Variants in CALN1 observed in about 807,000 individuals in gnomAD.
CALN1 encodes the protein calcium-binding protein 8.
In CALN1, 17 loss-of-function variants were observed where a neutral mutation model predicts 30.6. The observed-to-expected ratio is 0.56, with a 90% CI of 0.38 to 0.83. The LOEUF is 0.83. CALN1 is among the 40% of genes least tolerant of loss of function. CALN1 has a pLI of 0.00. For missense variants in CALN1, 291 were observed against 354.9 expected (o/e 0.82, Z 1.45); for synonymous variants, 156 against 131.4 (o/e 1.19, Z -1.28).
In CALN1 at chr7:71,957,963, G is replaced by A. The variant is rs755351328; in HGVS notation, c.501+65694C>T. On this transcript the variant is annotated intron_variant, in intron 5 of 6. Coordinates refer to ENST00000395275, the MANE Select transcript of CALN1 (RefSeq NM_031468.4). ...ACCTGTAATCCCAGCTACTTGGGAGGCTGAGGCAGGAGAATCTCTTGAACC... is the reference window on the plus strand; with the variant it reads ...ACCTGTAATCCCAGCTACTTGGGAGACTGAGGCAGGAGAATCTCTTGAACC... Among the ~76,000 whole-genome samples, 116 of 151,132 alleles carry A rather than the reference G, an allele frequency of 7.7e-4. 1 individual carries two copies. The highest frequency in any genetic ancestry group is 2.7e-3 in the African/African-American group (112 of 41,172).
intron 2 of CALN1, among the ~76,000 whole-genome samples, chr7:72,343,124 G>A (rs1802459970): frequency 6.6e-6 from 1 of 152,132 alleles, no homozygotes; most frequent in African/African-American, 2.4e-5. Context: ...TAACTGCCTC[G>A]AAAGACTATT....
intron 2 of CALN1, among the ~76,000 whole-genome samples, chr7:72,319,550 T>C (rs1364773724): frequency 6.6e-6 from 1 of 152,148 alleles, no homozygotes; most frequent in African/African-American, 2.4e-5. Context: ...CCATATCATA[T>C]ACACATACAC....
chr7:72,256,492 A>G (rs976847242), intron 3 of CALN1, among the ~76,000 whole-genome samples: 4 of 152,190 alleles, frequency 2.6e-5, no homozygotes, highest in African/African-American at 9.6e-5. Flanking sequence ...GCACACACAC[A>G]TACACATACT....
chr7:72,046,128 C>G, intron 4 of CALN1, among the ~76,000 whole-genome samples: 1 of 151,766 alleles, frequency 6.6e-6, no homozygotes, highest in South Asian at 2.1e-4. Flanking sequence ...GCCTGGGCAA[C>G]CCAGCAAAAC....
intron 5 of CALN1, among the ~76,000 whole-genome samples, chr7:71,908,900 GAT>G (rs1794278982): frequency 6.6e-6 from 1 of 152,172 alleles, no homozygotes; most frequent in Non-Finnish European, 1.5e-5. Context: ...TCCTTTCAGG[GAT>G]CCAGGGACGT....
chr7:72,149,735 C>A (rs936214173), intron 3 of CALN1, among the ~76,000 whole-genome samples: 1 of 152,062 alleles, frequency 6.6e-6, no homozygotes, highest in Non-Finnish European at 1.5e-5. Flanking sequence ...AATCTTTTCT[C>A]TTTTGCAAAA....
chr7:72,494,925 G>A, the CALN1 span, among the ~76,000 whole-genome samples: 1 of 152,050 alleles, frequency 6.6e-6, no homozygotes, highest in African/African-American at 2.4e-5. Flanking sequence ...CTCCCCAAGG[G>A]CTGTGTGAGT....
chr7:72,444,169 G>A lies in CALN1; in HGVS notation c.-226+2873C>T, dbSNP rs576898721. 4.5e-4 allele frequency among the ~76,000 whole-genome samples: 69 copies of A among 151,814 alleles called. 1 individual carries two copies. Among genetic ancestry groups the A allele is most frequent in the Admixed American group, 3.1e-3 (48 of 15,254 alleles). ...GTTGAAGCTCCTCTTTCCATTCAGA[G>A]CGGTTATCCCGTTTCAGAGCCTCTT... On this transcript the variant is annotated intron_variant, in intron 1 of 6. Coordinates refer to the CALN1 transcript ENST00000395276.
chr7:72,161,031 T>C (rs1788070118), intron 3 of CALN1, among the ~76,000 whole-genome samples: 1 of 152,160 alleles, frequency 6.6e-6, no homozygotes, highest in South Asian at 2.1e-4. Context: ...TTCTGGGATA[T>C]CTTGTGCTTT....
At chr7:71,976,760 A>G (rs1445317628) in intron 5 of CALN1, among the ~76,000 whole-genome samples, 5 of 152,214 alleles carry the variant, frequency 3.3e-5, no homozygotes, top group African/African-American at 1.2e-4. Flanking sequence ...CCCTCTGCTT[A>G]TGAGATAAAA....
chr7:72,095,898 A>C (rs1279902998), intron 4 of CALN1, among the ~76,000 whole-genome samples: 1 of 152,112 alleles, frequency 6.6e-6, no homozygotes, highest in Non-Finnish European at 1.5e-5. Context: ...TTAGCCAGGC[A>C]TGGTGACGAC....
intron 5 of CALN1, among the ~76,000 whole-genome samples, chr7:71,973,045 G>A (rs1011141408): frequency 1.2e-4 from 18 of 152,154 alleles, no homozygotes; most frequent in Non-Finnish European, 2.6e-4. Flanking sequence ...TTCTTTGAGG[G>A]CAAACGCTGA....
At chr7:72,336,773 G>A (rs1802079820) in intron 2 of CALN1, 3 of 985,102 alleles carry the variant, frequency 3.0e-6, no homozygotes, top group African/African-American at 1.8e-5. Flanking sequence ...GGCTTCCTCC[G>A]AGGCCCGCAG....
At chr7:72,365,616 G>A (rs1279967531) in intron 2 of CALN1, among the ~76,000 whole-genome samples, 1 of 151,942 alleles carries the variant, frequency 6.6e-6, no homozygotes, top group East Asian at 1.9e-4. Flanking sequence ...TTTTTTTGTA[G>A]ACACAGGGTC....
chr7:72,121,728 A>G (rs1269788596), intron 3 of CALN1, among the ~76,000 whole-genome samples: 1 of 148,662 alleles, frequency 6.7e-6, no homozygotes, highest in Non-Finnish European at 1.5e-5. Flanking sequence ...GTTTATTATA[A>G]TAAAAATGTT....
chr7:72,353,436 G>A (rs74364220), intron 2 of CALN1, among the ~76,000 whole-genome samples: 2,085 of 152,050 alleles, frequency 0.014, 60 homozygotes, highest in African/African-American at 0.048. Flanking sequence ...AATTCTAAAA[G>A]ATGAATCAAT....
intron 4 of CALN1, among the ~76,000 whole-genome samples, chr7:72,100,488 C>A (rs1459164355): frequency 6.6e-6 from 1 of 151,968 alleles, no homozygotes; most frequent in African/African-American, 2.4e-5. Flanking sequence ...CAGCAAGATC[C>A]TTAAATCTTA....
intron 6 of CALN1, among the ~76,000 whole-genome samples, chr7:71,804,937 A>T (rs1787518944): frequency 6.6e-6 from 1 of 152,190 alleles, no homozygotes; most frequent in Non-Finnish European, 1.5e-5. Flanking sequence ...ACTGGGCAAC[A>T]AGAGCAAAAC....
rs921170091 is a variant in CALN1, at chr7:71,779,713, T to A, written c.*8062A>T. The A allele has an allele frequency of 6.6e-6, 1 of 152,208 alleles. No individual in the cohort carries two copies. The highest frequency in any genetic ancestry group is 2.4e-5 in the African/African-American group (1 of 41,452). 9.4% of individuals were successfully genotyped at this position (152,208 alleles called of 1,614,324 possible). ...TTTATATTAATATGTACATTTTATA[T>A]AAAGATTCTTTTTTGACTAGTCTGC... is the stretch of plus-strand genomic sequence containing the variant. On this transcript the variant is annotated 3_prime_UTR_variant, in exon 7 of 7. Transcript: ENST00000395275.
Sources: allele counts gnomAD v4.1 joint callset (sites outside exome capture counted in the v4.1 genomes callset), GRCh38; gene constraint gnomAD v4.1.1; transcripts MANE v1.5; gene names NCBI Gene and HGNC (gene_info 2026-07-23, HGNC 2026-07-21).